The following CNOT7 variants were observed in gnomAD, a reference collection of about 807,000 sequenced individuals.
CNOT7 encodes the protein CCR4-NOT transcription complex subunit 7, also known as BTG1-binding factor 1.
A neutral mutation model predicts 37.1 loss-of-function variants in CNOT7; 4 were observed. That is an observed-to-expected ratio of 0.11 (90% CI 0.05 to 0.25). CNOT7 has a LOEUF of 0.25. CNOT7 is among the 10% of genes least tolerant of loss of function. The pLI is 1.00. For synonymous variants in CNOT7, 128 were observed against 115.6 expected, an observed-to-expected ratio of 1.11 and a Z score of -0.69; for missense variants, 170 against 336.2, an observed-to-expected ratio of 0.51 and a Z score of 3.87.
intron 6 of CNOT7, chr8:17,231,593 T>C (rs1808620604): frequency 1.0e-6 from 1 of 985,252 alleles, no homozygotes; most frequent in South Asian, 4.7e-5. Context: ...CAATTTAATG[T>C]CTAAGAGAAA....
intron 3 of CNOT7, among the ~76,000 whole-genome samples, chr8:17,240,190 T>G (rs977728669): frequency 6.6e-6 from 1 of 152,228 alleles, no homozygotes; most frequent in African/African-American, 2.4e-5. Flanking sequence ...CCAAATGACT[T>G]CTTCTACCTA....
chr8:17,234,092 T>TAC (rs1198661576), intron 5 of CNOT7, among the ~76,000 whole-genome samples: 4 of 152,150 alleles, frequency 2.6e-5, no homozygotes, highest in Non-Finnish European at 5.9e-5. Flanking sequence ...AATTTAAAAA[T>TAC]ACATGTTATG....
chr8:17,240,332 C>A (rs1257645476), intron 3 of CNOT7, among the ~76,000 whole-genome samples: 3 of 151,078 alleles, frequency 2.0e-5, no homozygotes, highest in Admixed American at 6.6e-5. Flanking sequence ...AATTTGTCAA[C>A]TTTCTTAAAA....
chr8:17,243,290 A>C lies in CNOT7; in HGVS notation c.118-105T>G, dbSNP rs558307083. On this transcript the variant is annotated intron_variant, in intron 2 of 6. Coordinates refer to ENST00000361272, the MANE Select transcript of CNOT7 (RefSeq NM_013354.7). Reference sequence around the variant, plus strand: ...CAAAGAATCCTACAGATGATATTCTACACATTTATATTCAATTACAAAGTA... The same window carrying C: ...CAAAGAATCCTACAGATGATATTCTCCACATTTATATTCAATTACAAAGTA... 67 of 820,522 alleles carry C rather than the reference A, an allele frequency of 8.2e-5. No homozygotes were observed. In the East Asian group the frequency reaches 1.6e-3, roughly 20 times the overall value. 50.8% of individuals were successfully genotyped at this position (820,522 alleles called of 1,614,324 possible). A position where few individuals can be genotyped will look rare whatever the true frequency, so the allele number is the denominator to read the frequency against.
In CNOT7 at chr8:17,230,262, C is replaced by A. The variant is rs1228983623; in HGVS notation, c.*458G>T. 6.6e-6 allele frequency: 1 copy of A among 152,512 alleles called. No homozygotes were observed. The highest frequency in any genetic ancestry group is 1.9e-4 in the East Asian group (1 of 5,196). 9.4% of individuals were successfully genotyped at this position (152,512 alleles called of 1,614,324 possible). A position where few individuals can be genotyped will look rare whatever the true frequency, so the allele number is the denominator to read the frequency against. Reference sequence around the variant, plus strand: ...AGAAAAAACAAATTTTCTGATAAAACAGGTTTAGAGTCAGAAACACTCTCT... The same window carrying A: ...AGAAAAAACAAATTTTCTGATAAAAAAGGTTTAGAGTCAGAAACACTCTCT... On this transcript the variant is annotated 3_prime_UTR_variant, in exon 7 of 7. Transcript: ENST00000361272.
In CNOT7 at chr8:17,243,198, T is replaced by G. The variant is rs759108790; in HGVS notation, c.118-13A>C. On this transcript the variant is annotated splice_polypyrimidine_tract_variant and intron_variant, in intron 2 of 6. Transcript: ENST00000361272. ...GAAACTCGGTGTCCTGTAAAATAGT[T>G]TTAAGATTCATTATGTACTAAACAG... The G allele has an allele frequency of 1.3e-6, 2 of 1,574,886 alleles. No homozygotes were observed. The highest frequency in any genetic ancestry group is 2.7e-5 in the African/African-American group (2 of 72,890).
At chr8:17,242,452 T>C (rs1043301291) in intron 3 of CNOT7, 4 of 152,232 alleles carry the variant, frequency 2.6e-5, no homozygotes, top group Admixed American at 2.6e-4. Flanking sequence ...TGACATATGA[T>C]AAACACCAGG....
intron 4 of CNOT7, 94 bp from the exon 5 acceptor site, chr8:17,234,954 C>T: frequency 2.9e-6 from 3 of 1,023,734 alleles, no homozygotes; most frequent in Non-Finnish European, 2.8e-6. Context: ...AAGCAAGTCA[C>T]ACTAGAGCCC....
intron 6 of CNOT7, 26 bp from the exon 7 acceptor site, chr8:17,230,874 A>G: frequency 1.3e-6 from 2 of 1,530,530 alleles, no homozygotes; most frequent in Non-Finnish European, 1.8e-6. Flanking sequence ...GAAGAAAAAA[A>G]AAAGATAATT....
At chr8:17,237,638 C>T (rs1321538472) in intron 3 of CNOT7, 7 of 336,950 alleles carry the variant, frequency 2.1e-5, no homozygotes, top group Non-Finnish European at 3.3e-5. Flanking sequence ...ATTAGCCTTT[C>T]ATACTTAAAT....
chr8:17,227,530 A>C lies in CNOT7; in HGVS notation c.*3190T>G, dbSNP rs1424229585. ...ACTATCTTCAAGCACGATGTAATTC[A>C]GCATTAGTAAATGGTTTTCTTTGCT... On this transcript the variant is annotated 3_prime_UTR_variant, in exon 7 of 7. Transcript: ENST00000361272. The C allele has an allele frequency of 1.3e-5, 2 of 151,944 alleles. No individual in the cohort carries two copies. Among genetic ancestry groups the C allele is most frequent in the Non-Finnish European group, 2.9e-5 (2 of 67,828 alleles). 9.4% of individuals were successfully genotyped at this position (151,944 alleles called of 1,614,324 possible).
At position 17,229,355 on chromosome 8, in the gene CNOT7, A is replaced by T. The variant is rs1056628567; in HGVS notation, c.*1365T>A. 14 of 152,468 alleles carry T rather than the reference A, an allele frequency of 9.2e-5. No individual in the cohort carries two copies. The highest frequency in any genetic ancestry group is 3.1e-4 in the African/African-American group (13 of 41,564). 9.4% of individuals were successfully genotyped at this position (152,468 alleles called of 1,614,324 possible). A position where few individuals can be genotyped will look rare whatever the true frequency, so the allele number is the denominator to read the frequency against. On this transcript the variant is annotated 3_prime_UTR_variant, in exon 7 of 7. Transcript: ENST00000361272. ...TACAGCACTGTAATATCATGAATAAAGAATGTACAAGGGAGACAAACCAAT... is the reference window on the plus strand; with the variant it reads ...TACAGCACTGTAATATCATGAATAATGAATGTACAAGGGAGACAAACCAAT...
At chr8:17,245,828 C>T (rs1810917127) in intron 1 of CNOT7, 1 of 152,078 alleles carries the variant, frequency 6.6e-6, no homozygotes, top group Admixed American at 6.5e-5. Context: ...AATAGAACGT[C>T]TAAAACTTAG....
At chr8:17,236,137 G>A (rs1176054518) in intron 4 of CNOT7, among the ~76,000 whole-genome samples, 1 of 152,200 alleles carries the variant, frequency 6.6e-6, no homozygotes, top group African/African-American at 2.4e-5. Context: ...AAGAATGAGT[G>A]TGTTCAGTAC....
chr8:17,231,798 G>A (rs752384049), intron 6 of CNOT7: 22 of 985,582 alleles, frequency 2.2e-5, no homozygotes, highest in African/African-American at 5.2e-5. Context: ...TATACTCAAG[G>A]AACTGATCTC....
At chr8:17,238,180 A>C (rs778533436) in intron 3 of CNOT7, among the ~76,000 whole-genome samples, 2 of 152,232 alleles carry the variant, frequency 1.3e-5, no homozygotes, top group Non-Finnish European at 2.9e-5. Flanking sequence ...CAAAAAAGTT[A>C]CCAAAATACA....
chr8:17,234,956 C>CTAGA, intron 4 of CNOT7, 96 bp from the exon 5 acceptor site: 1 of 1,001,888 alleles, frequency 1.0e-6, no homozygotes, highest in Non-Finnish European at 1.4e-6. Flanking sequence ...GCAAGTCACA[C>CTAGA]TAGAGCCCTC....
At chr8:17,235,875 A>G (rs1006558766) in intron 4 of CNOT7, among the ~76,000 whole-genome samples, 2 of 152,232 alleles carry the variant, frequency 1.3e-5, no homozygotes, top group African/African-American at 4.8e-5. Flanking sequence ...CCAAGAAGAC[A>G]TGAATGAACC....
At chr8:17,235,391 T>C (rs947298609) in intron 4 of CNOT7, among the ~76,000 whole-genome samples, 8 of 152,216 alleles carry the variant, frequency 5.3e-5, no homozygotes, top group Non-Finnish European at 1.2e-4. Flanking sequence ...TTCTCTTAAA[T>C]GACTGTGTTA....
Sources: gnomAD v4.1 joint callset for allele counts (sites outside exome capture counted in the v4.1 genomes callset) on GRCh38, gnomAD v4.1.1 for gene constraint, MANE v1.5 for transcripts, NCBI Gene and HGNC (gene_info 2026-07-23, HGNC 2026-07-21) for gene names.